DCHS2: variants seen among roughly 807,000 people sequenced by gnomAD.
DCHS2 encodes the protein dachsous cadherin-related 2, also known as protocadherin-23.
Under a neutral mutation model 182.4 loss-of-function variants are expected in DCHS2, and 142 were observed. The observed-to-expected ratio is 0.78, with a 90% CI of 0.68 to 0.89. The LOEUF is 0.89. Ranked by LOEUF, DCHS2 falls within the 40% of genes least tolerant of loss-of-function variation. The pLI is 0.00. For synonymous variants in DCHS2, 1,740 were observed against 1,663.3 expected, an observed-to-expected ratio of 1.05 and a Z score of -1.12; for missense variants, 4,319 against 4,198.6, an observed-to-expected ratio of 1.03 and a Z score of -0.79.
intron 14 of DCHS2, among the ~76,000 whole-genome samples, chr4:154,266,991 C>T (rs573494096): frequency 1.3e-5 from 2 of 152,174 alleles, no homozygotes; most frequent in African/African-American, 4.8e-5. Flanking sequence ...ACCAACTTGT[C>T]TTGCTGTGTG....
In DCHS2 at chr4:154,232,497, A is replaced by AACTT. The variant is rs1731241745; in HGVS notation, c.*2035_*2038dup. The AACTT allele has an allele frequency of 1.3e-5, 2 of 152,308 alleles. No homozygotes were observed. The highest frequency in any genetic ancestry group is 1.9e-4 in the East Asian group (1 of 5,186). 9.4% of individuals were successfully genotyped at this position (152,308 alleles called of 1,614,324 possible). A position where few individuals can be genotyped will look rare whatever the true frequency, so the allele number is the denominator to read the frequency against. On this transcript the variant is annotated 3_prime_UTR_variant, in exon 20 of 20. Coordinates refer to ENST00000357232, the MANE Select transcript of DCHS2 (RefSeq NM_001358235.2). ...AAATAAATCACAGTAATAAATAACT[A>AACTT]ACTTAGGGAATAGGTAGATGAATAA... is the stretch of plus-strand genomic sequence containing the variant.
intron 1 of DCHS2, among the ~76,000 whole-genome samples, chr4:154,383,711 A>G (rs1731271646): frequency 6.6e-6 from 1 of 152,086 alleles, no homozygotes; most frequent in African/African-American, 2.4e-5. Context: ...ATCAGTGGTC[A>G]GTCCAGCCAT....
intron 1 of DCHS2, among the ~76,000 whole-genome samples, chr4:154,429,120 A>G (rs1733457112): frequency 6.6e-6 from 1 of 152,166 alleles, no homozygotes; most frequent in Non-Finnish European, 1.5e-5. Context: ...TGTCCTATGC[A>G]ACTATGAGGG....
chr4:154,381,196 C>G (rs1731150706), intron 1 of DCHS2, among the ~76,000 whole-genome samples: 1 of 152,180 alleles, frequency 6.6e-6, no homozygotes, highest in African/African-American at 2.4e-5. Flanking sequence ...CTCAATTTAC[C>G]TATTTTAGAC....
At chr4:154,448,354 A>G (rs1381016344) in intron 1 of DCHS2, among the ~76,000 whole-genome samples, 5 of 152,184 alleles carry the variant, frequency 3.3e-5, no homozygotes, top group Non-Finnish European at 4.4e-5. Flanking sequence ...AGTGTCCTCA[A>G]TATGAAAGCT....
chr4:154,441,811 A>G lies in DCHS2; in HGVS notation c.2052+47493T>C, dbSNP rs574040231. Among the ~76,000 whole-genome samples, 14 of 152,236 alleles carry G rather than the reference A, an allele frequency of 9.2e-5. No homozygotes were observed. In the East Asian group the frequency reaches 2.7e-3, roughly 29 times the overall value. ...AAAACAGCTATTTATTAATAAACAT[A>G]AATGTACACATATGACCAATAAGCT... On this transcript the variant is annotated intron_variant, in intron 1 of 19. Transcript: ENST00000357232.
chr4:154,479,858 C>G (rs1448672820), intron 1 of DCHS2, among the ~76,000 whole-genome samples: 3 of 152,132 alleles, frequency 2.0e-5, no homozygotes, highest in African/African-American at 7.2e-5. Context: ...GGAAGTGAAA[C>G]AGACATAAGC....
At chr4:154,272,798 G>C (rs753046891) in intron 13 of DCHS2, among the ~76,000 whole-genome samples, 3 of 152,096 alleles carry the variant, frequency 2.0e-5, no homozygotes, top group Non-Finnish European at 2.9e-5. Context: ...TTAAATTGTA[G>C]CCATCCTAGT....
At chr4:154,291,270 T>C (rs1174035584) in intron 13 of DCHS2, among the ~76,000 whole-genome samples, 1 of 151,820 alleles carries the variant, frequency 6.6e-6, no homozygotes, top group Non-Finnish European at 1.5e-5. Context: ...AAATGACTTA[T>C]ATCCAAAAGA....
At position 154,366,414 on chromosome 4, in the gene DCHS2, G is replaced by T. The variant is rs930054222; in HGVS notation, c.2272C>A (p.Arg758Ser). 6.2e-7 allele frequency: 1 copy of T among 1,613,626 alleles called. No homozygotes were observed. The highest frequency in any genetic ancestry group is 8.5e-7 in the Non-Finnish European group (1 of 1,179,810). The change falls in exon 3 of 20, where the codon CGT becomes AGT. Residue 758 changes from arginine to serine, a missense_variant. Coordinates refer to ENST00000357232, the MANE Select transcript of DCHS2 (RefSeq NM_001358235.2). The stretch of plus-strand genomic sequence containing the variant: ...TCATTCACGTCCTCCAGGTCCACAC[G>T]AACAAAGGCTTGGGCACTTAGCCCA... Reference protein sequence around the residue: ...GGGLSAQAFVRVDLEDVNDNH... With the variant: ...GGGLSAQAFVSVDLEDVNDNH...
Position 154,377,271 on chromosome 4 carries a change from C to A in DCHS2, c.2226G>T (p.Leu742=). ...AACTTACCCCATCCTTAGCTTCCAC[C>A]AGGAGATCATAGGTAGCTGGATCCC... ...RERDPATYDL[L]VEAKDGGGLS... The change falls in exon 2 of 20, where the codon CTG becomes CTT. Residue 742 remains leucine, a synonymous_variant. Transcript: ENST00000357232. 6.2e-7 allele frequency: 1 copy of A among 1,613,178 alleles called. No homozygotes were observed. Among genetic ancestry groups the A allele is most frequent in the Non-Finnish European group, 8.5e-7 (1 of 1,179,580 alleles).
intron 1 of DCHS2, among the ~76,000 whole-genome samples, chr4:154,388,144 A>T (rs1731498844): frequency 6.6e-6 from 1 of 152,182 alleles, no homozygotes; most frequent in African/African-American, 2.4e-5. Context: ...ACATAGAAAG[A>T]TATTTGTATG....
intron 13 of DCHS2, among the ~76,000 whole-genome samples, chr4:154,287,065 C>A (rs1236953429): frequency 6.6e-6 from 1 of 152,068 alleles, no homozygotes; most frequent in Non-Finnish European, 1.5e-5. Flanking sequence ...ATTTAAAGTT[C>A]TGGAAGAAAT....
chr4:154,267,047 A>G (rs1187622681), intron 14 of DCHS2, among the ~76,000 whole-genome samples: 1 of 152,244 alleles, frequency 6.6e-6, no homozygotes, highest in Non-Finnish European at 1.5e-5. Flanking sequence ...AGCCATTAAA[A>G]TCATTCATGA....
intron 1 of DCHS2, among the ~76,000 whole-genome samples, chr4:154,466,838 T>C (rs1222836533): frequency 1.3e-5 from 2 of 152,244 alleles, no homozygotes; most frequent in Non-Finnish European, 2.9e-5. Flanking sequence ...TTATACTTCT[T>C]ATACAAAAGG....
In DCHS2 at chr4:154,236,233, A is replaced by C; in HGVS notation, c.8419T>G (p.Ser2807Ala). The C allele has an allele frequency of 6.2e-7, 1 of 1,614,032 alleles. No homozygotes were observed. The highest frequency in any genetic ancestry group is 8.5e-7 in the Non-Finnish European group (1 of 1,179,964). Reference sequence around the variant, plus strand: ...GTGAGAAAACAGGGTGATACAATAGAATAGGTCAATTCTCCATACGGACCA... The same window carrying C: ...GTGAGAAAACAGGGTGATACAATAGCATAGGTCAATTCTCCATACGGACCA... ...DAGPYGELTY[S>A]IVSPCFLTHG... is the part of the protein sequence containing the mutation. The change falls in exon 20 of 20, where the codon TCT becomes GCT. Residue 2807 changes from serine to alanine, a missense_variant. Physicochemically the swap from Ser to Ala is moderately conservative, Grantham distance 99. Transcript: ENST00000357232.
chr4:154,350,729 A>G lies in DCHS2; in HGVS notation c.2476+15481T>C, dbSNP rs77362885. 3.8e-3 allele frequency among the ~76,000 whole-genome samples: 573 copies of G among 152,278 alleles called. 3 individuals are homozygous for G. Among genetic ancestry groups the G allele is most frequent in the African/African-American group, 0.013 (541 of 41,558 alleles). On this transcript the variant is annotated intron_variant, in intron 3 of 19. Transcript: ENST00000357232. ...TTACCATCTATTTTTTTTGCTATCA[A>G]TCTCATCACAAAAGGTATAATCACA...
intron 16 of DCHS2, among the ~76,000 whole-genome samples, chr4:154,248,248 T>A (rs1393976042): frequency 6.6e-6 from 1 of 152,232 alleles, no homozygotes; most frequent in Non-Finnish European, 1.5e-5. Flanking sequence ...TCATATAATA[T>A]AAACACTAAT....
intron 1 of DCHS2, among the ~76,000 whole-genome samples, chr4:154,404,640 G>A (rs80119203): frequency 0.013 from 1,959 of 152,246 alleles, 36 homozygotes; most frequent in African/African-American, 0.045. Flanking sequence ...TAATTTATGT[G>A]TTTTATTCTT....
Sources: gnomAD v4.1 joint callset for allele counts (sites outside exome capture counted in the v4.1 genomes callset) on GRCh38, gnomAD v4.1.1 for gene constraint, MANE v1.5 for transcripts, NCBI Gene and HGNC (gene_info 2026-07-23, HGNC 2026-07-21) for gene names.